The following MATK variants were observed in gnomAD, a reference collection of about 807,000 sequenced individuals.
MATK encodes the protein megakaryocyte-associated tyrosine kinase.
MATK carries 41 observed loss-of-function variants against 59.8 expected under a neutral mutation model. The ratio of observed to expected loss-of-function variants is 0.69; its 90% CI spans 0.53 to 0.89. MATK has a LOEUF of 0.89. Among genes scored for constraint, MATK ranks in the 40% least tolerant of loss-of-function variants. MATK has a pLI of 0.00. For missense variants in MATK, 593 were observed against 719.6 expected, an observed-to-expected ratio of 0.82 and a Z score of 2.01; for synonymous variants, 308 against 306.1, an observed-to-expected ratio of 1.01 and a Z score of -0.06.
intron 1 of MATK, among the ~76,000 whole-genome samples, chr19:3,794,387 C>A (rs938381100): frequency 6.6e-6 from 1 of 152,170 alleles, no homozygotes; most frequent in African/African-American, 2.4e-5. Flanking sequence ...GGCATGAAGG[C>A]TCACGCTTGC....
intron 1 of MATK, among the ~76,000 whole-genome samples, chr19:3,796,004 T>C (rs890136157): frequency 1.3e-5 from 2 of 151,950 alleles, no homozygotes; most frequent in African/African-American, 4.8e-5. Context: ...TCAAGTGATC[T>C]GCTTGCCTCG....
chr19:3,798,325 G>A (rs1251316002), intron 1 of MATK, among the ~76,000 whole-genome samples: 1 of 150,912 alleles, frequency 6.6e-6, no homozygotes, highest in East Asian at 2.0e-4. Context: ...CAGAGCTGAC[G>A]GAAGCCTCCT....
At position 3,783,856 on chromosome 19, in the gene MATK, G is replaced by T; in HGVS notation, c.540C>A (p.Ile180=). Residue 180 remains isoleucine (I), a synonymous_variant, in exon 6 of 14, where the codon ATC becomes ATA. Transcript: ENST00000310132. ...GGTTGCAGAAGAACACGGCCTCATC[G>T]ATTGTGAGGTGGCCGTCGCGGTGCA... ...RVLHRDGHLT[I]DEAVFFCNLM... is the part of the protein sequence containing the mutation. The T allele has an allele frequency of 6.2e-7, 1 of 1,613,126 alleles. No individual in the cohort carries two copies. The highest frequency in any genetic ancestry group is 8.5e-7 in the Non-Finnish European group (1 of 1,179,786).
chr19:3,790,521 C>G (rs545823112), upstream of MATK, among the ~76,000 whole-genome samples: 6 of 152,352 alleles, frequency 3.9e-5, no homozygotes, highest in African/African-American at 1.4e-4. Context: ...TAGCTCCCCA[C>G]TGCCTGCAGG....
upstream of MATK, chr19:3,789,537 T>C (rs924755773): frequency 6.0e-6 from 3 of 502,724 alleles, no homozygotes; most frequent in South Asian, 2.7e-5. Flanking sequence ...AAGGAGCTGG[T>C]GTTGGGTTCG....
At chr19:3,795,814 T>C (rs973563800) in intron 1 of MATK, among the ~76,000 whole-genome samples, 1 of 133,824 alleles carries the variant, frequency 7.5e-6, no homozygotes, top group Non-Finnish European at 1.5e-5. Flanking sequence ...CAGGCTGGAG[T>C]GCAGAGGCGT....
rs1169796061 is a variant in MATK, at chr19:3,785,281, T to C, written c.-146A>G. On this transcript the variant is annotated 5_prime_UTR_variant, in exon 2 of 14. Coordinates refer to ENST00000310132, the MANE Select transcript of MATK (RefSeq NM_139355.3). Reference sequence around the variant, plus strand: ...CCACTGGACCGAGCCTGGTTCTTCCTGTTTTCTGGTTGGTAGGCAGGGGCA... The same window carrying C: ...CCACTGGACCGAGCCTGGTTCTTCCCGTTTTCTGGTTGGTAGGCAGGGGCA... 1 of 1,503,052 alleles carries C rather than the reference T, an allele frequency of 6.7e-7. No homozygotes were observed. Among genetic ancestry groups the C allele is most frequent in the East Asian group, 2.5e-5 (1 of 40,700 alleles). 93.1% of individuals were successfully genotyped at this position (1,503,052 alleles called of 1,614,324 possible). A position where few individuals can be genotyped will look rare whatever the true frequency, so the allele number is the denominator to read the frequency against.
At chr19:3,794,935 C>T (rs558490292) in intron 1 of MATK, among the ~76,000 whole-genome samples, 69 of 151,032 alleles carry the variant, frequency 4.6e-4, no homozygotes, top group Non-Finnish European at 7.5e-4. Flanking sequence ...TATTTATGGA[C>T]ATGGACATTT....
chr19:3,784,845 C>G lies in MATK; in HGVS notation c.112G>C (p.Val38Leu), dbSNP rs750532357. Residue 38 changes from valine (V) to leucine (L), a missense_variant, in exon 3 of 14, where the codon GTC becomes CTC. Coordinates refer to ENST00000310132, the MANE Select transcript of MATK (RefSeq NM_139355.3). ...RFLRAWHPPP[V>L]SARMPTRRWA... ...CTCACCGTTGGCATCCTGGCTGAGA[C>G]GGGAGGGGGGTGCCAGGCTCGGAGG... The G allele has an allele frequency of 6.5e-7, 1 of 1,548,994 alleles. No individual in the cohort carries two copies. The highest frequency in any genetic ancestry group is 8.7e-7 in the Non-Finnish European group (1 of 1,145,852).
At position 3,784,135 on chromosome 19, in the gene MATK, G is replaced by A; in HGVS notation, c.351C>T (p.Leu117=). Residue 117 remains leucine (L), a synonymous_variant, in exon 5 of 14, where the codon CTC becomes CTT. Transcript: ENST00000310132. ...EREALSADPK[L]SLMPWFHGKI... is the part of the protein sequence containing the mutation. Reference sequence around the variant, plus strand: ...TCCTGCCCACTCACGGCATGAGGCTGAGCTTGGGGTCTGCGGAGAGGGCCT... The same window carrying A: ...TCCTGCCCACTCACGGCATGAGGCTAAGCTTGGGGTCTGCGGAGAGGGCCT... The A allele has an allele frequency of 6.2e-7, 1 of 1,610,730 alleles. No individual in the cohort carries two copies. Among genetic ancestry groups the A allele is most frequent in the Non-Finnish European group, 8.5e-7 (1 of 1,178,096 alleles).
At chr19:3,787,227 G>T (rs1257452966), upstream of MATK, among the ~76,000 whole-genome samples, 1 of 152,042 alleles carries the variant, frequency 6.6e-6, no homozygotes, top group Admixed American at 6.5e-5. Flanking sequence ...TGACCACCTG[G>T]GCTCAAGCCA....
chr19:3,780,504 T>C (rs2037385057), intron 8 of MATK, among the ~76,000 whole-genome samples: 2 of 151,586 alleles, frequency 1.3e-5, no homozygotes, highest in Admixed American at 1.3e-4. Flanking sequence ...CTCTGCTCAC[T>C]GCAAGCTCTG....
At chr19:3,788,163 G>T (rs925728914), upstream of MATK, among the ~76,000 whole-genome samples, 4 of 148,770 alleles carry the variant, frequency 2.7e-5, no homozygotes, top group Admixed American at 6.7e-5. Context: ...GGGGCATCCA[G>T]GATGCTCTCT....
chr19:3,797,851 G>T (rs2145117694), intron 1 of MATK, among the ~76,000 whole-genome samples: 1 of 152,164 alleles, frequency 6.6e-6, no homozygotes, highest in East Asian at 1.9e-4. Context: ...AGACCAGGCT[G>T]GCCAACATGG....
Position 3,784,849 on chromosome 19 carries a change from A to AG in MATK, c.107dup (p.Pro37SerfsTer146). 3 of 1,548,362 alleles carry AG rather than the reference A, an allele frequency of 1.9e-6. No individual in the cohort carries two copies. Among genetic ancestry groups the AG allele is most frequent in the Non-Finnish European group, 2.6e-6 (3 of 1,145,324 alleles). On this transcript the variant is annotated frameshift_variant, in exon 3 of 14. Transcript: ENST00000310132. LOFTEE classifies it high-confidence loss of function. Reference sequence around the variant, plus strand: ...CCGTTGGCATCCTGGCTGAGACGGGAGGGGGGTGCCAGGCTCGGAGGAAGC... The same window carrying AG: ...CCGTTGGCATCCTGGCTGAGACGGGAGGGGGGGTGCCAGGCTCGGAGGAAGC...
chr19:3,779,157 C>T lies in MATK; in HGVS notation c.1032G>A (p.Glu344=). 6.2e-7 allele frequency: 1 copy of T among 1,602,254 alleles called. No individual in the cohort carries two copies. Among genetic ancestry groups the T allele is most frequent in the African/African-American group, 1.3e-5 (1 of 74,826 alleles). The change falls in exon 12 of 14, where the codon GAG becomes GAA. Residue 344 remains glutamate, a synonymous_variant. Transcript: ENST00000310132. ...LHVAEGMEYL[E]SKKLVHRDLA... Reference sequence around the variant, plus strand: ...GGTCGCGGTGCACAAGCTTCTTGCTCTCCAGGTACTCCATGCCCTCGGCCA... The same window carrying T: ...GGTCGCGGTGCACAAGCTTCTTGCTTTCCAGGTACTCCATGCCCTCGGCCA...
upstream of MATK, among the ~76,000 whole-genome samples, chr19:3,787,954 G>A (rs2037504068): frequency 6.8e-6 from 1 of 146,694 alleles, no homozygotes; most frequent in South Asian, 2.2e-4. Context: ...TAGAGCTGGG[G>A]GTCTCTCTGT....
In MATK at chr19:3,799,817, GGT is replaced by G. The variant is rs539182790; in HGVS notation, c.-58+1713_-58+1714del. Among the ~76,000 whole-genome samples the G allele has an allele frequency of 9.4e-4, 141 of 150,784 alleles. 1 individual carries two copies. The highest frequency in any genetic ancestry group is 9.1e-3 in the Admixed American group (136 of 15,002). ...GATCACACCATTGCACTTGAGCCTG[GGT>G]GACAGAGCGAGACCTTGTCTCAAAG... On this transcript the variant is annotated intron_variant, in intron 1 of 13. Transcript: ENST00000395045.
intron 7 of MATK, among the ~76,000 whole-genome samples, chr19:3,782,411 A>G (rs916898561): frequency 6.6e-6 from 1 of 152,232 alleles, no homozygotes; most frequent in African/African-American, 2.4e-5. Context: ...AGATACTTTC[A>G]AGGAGACAGA....
Sources: allele counts gnomAD v4.1 joint callset (sites outside exome capture counted in the v4.1 genomes callset), GRCh38; gene constraint gnomAD v4.1.1; transcripts MANE v1.5; gene names NCBI Gene and HGNC (gene_info 2026-07-23, HGNC 2026-07-21).